Variants in CNTN5 observed in about 807,000 individuals in gnomAD.
CNTN5 encodes the protein contactin-5.
A neutral mutation model predicts 129.1 loss-of-function variants in CNTN5; 77 were observed. That is an observed-to-expected ratio of 0.60 (90% CI 0.50 to 0.72). The LOEUF (loss-of-function observed/expected upper bound fraction) is 0.72. CNTN5 is among the 30% of genes least tolerant of loss of function. CNTN5 has a pLI of 0.00. For missense variants in CNTN5, 1,478 were observed against 1,328.8 expected (o/e 1.11, Z -1.75); for synonymous variants, 509 against 465.6 (o/e 1.09, Z -1.20).
chr11:99,783,969 A>T (rs1945414042), intron 3 of CNTN5, among the ~76,000 whole-genome samples: 1 of 151,584 alleles, frequency 6.6e-6, no homozygotes, highest in Non-Finnish European at 1.5e-5. Context: ...GTAAAGTATA[A>T]TAAAAAAAAA....
chr11:99,834,208 C>A (rs898002665), intron 4 of CNTN5, among the ~76,000 whole-genome samples: 18 of 152,112 alleles, frequency 1.2e-4, no homozygotes, highest in Admixed American at 5.2e-4. Flanking sequence ...ACACTGGTGC[C>A]TCTCATGACA....
chr11:100,334,657 A>G (rs1951990251), intron 21 of CNTN5, among the ~76,000 whole-genome samples: 1 of 152,242 alleles, frequency 6.6e-6, no homozygotes, highest in South Asian at 2.1e-4. Context: ...GGAGACTATT[A>G]TTCTAAGTGA....
At chr11:99,114,262 T>A (rs965398497) in intron 1 of CNTN5, among the ~76,000 whole-genome samples, 1 of 152,142 alleles carries the variant, frequency 6.6e-6, no homozygotes, top group Admixed American at 6.6e-5. Flanking sequence ...TAAAATTGGA[T>A]TTACTGGCCT....
chr11:99,968,517 G>C (rs1413833562), intron 8 of CNTN5, among the ~76,000 whole-genome samples: 1 of 151,998 alleles, frequency 6.6e-6, no homozygotes, highest in Non-Finnish European at 1.5e-5. Flanking sequence ...AAAGCACAGA[G>C]AGAATGGATC....
chr11:99,289,706 C>A (rs1042942159), intron 1 of CNTN5, among the ~76,000 whole-genome samples: 1 of 151,746 alleles, frequency 6.6e-6, no homozygotes, highest in Non-Finnish European at 1.5e-5. Context: ...ATATGCTTCT[C>A]AAATGTTCAA....
intron 17 of CNTN5, among the ~76,000 whole-genome samples, chr11:100,260,220 C>G (rs1185554944): frequency 2.0e-5 from 3 of 151,944 alleles, no homozygotes; most frequent in African/African-American, 7.2e-5. Flanking sequence ...TCCAGGACAT[C>G]TATACCCTCC....
At chr11:100,064,422 A>G (rs1292301504) in intron 10 of CNTN5, among the ~76,000 whole-genome samples, 1 of 152,156 alleles carries the variant, frequency 6.6e-6, no homozygotes. Context: ...AAAACAACAA[A>G]TGATACAACA....
At chr11:99,824,749 T>C (rs1946901856) in intron 4 of CNTN5, among the ~76,000 whole-genome samples, 2 of 152,002 alleles carry the variant, frequency 1.3e-5, no homozygotes, top group African/African-American at 2.4e-5. Context: ...TTGTATGTAA[T>C]ATGAAGTAAT....
chr11:100,157,703 C>G (rs1480260781), intron 13 of CNTN5, among the ~76,000 whole-genome samples: 1 of 151,664 alleles, frequency 6.6e-6, no homozygotes, highest in Admixed American at 6.6e-5. Flanking sequence ...ATGATACAGT[C>G]TTATAAGAAT....
intron 3 of CNTN5, among the ~76,000 whole-genome samples, chr11:99,707,162 C>A (rs1220501969): frequency 2.6e-5 from 4 of 151,482 alleles, no homozygotes; most frequent in Non-Finnish European, 5.9e-5. Context: ...CATTCAGAAT[C>A]AGTTTATGGT....
At chr11:99,509,063 A>G (rs1439921983) in intron 2 of CNTN5, among the ~76,000 whole-genome samples, 4 of 152,198 alleles carry the variant, frequency 2.6e-5, no homozygotes, top group African/African-American at 7.2e-5. Flanking sequence ...AAAAGATACA[A>G]CACTTACACA....
At chr11:99,975,247 T>C (rs887995546) in intron 8 of CNTN5, among the ~76,000 whole-genome samples, 2 of 152,302 alleles carry the variant, frequency 1.3e-5, no homozygotes, top group South Asian at 2.1e-4. Context: ...AGCAGCATGC[T>C]CTGGATGTGA....
intron 2 of CNTN5, among the ~76,000 whole-genome samples, chr11:99,349,109 T>C (rs187849561): frequency 1.3e-5 from 2 of 152,286 alleles, no homozygotes; most frequent in Admixed American, 6.5e-5. Context: ...TGCAGTGATC[T>C]GGGTATGAGA....
intron 13 of CNTN5, among the ~76,000 whole-genome samples, chr11:100,094,439 C>A (rs1297583209): frequency 1.3e-5 from 2 of 152,138 alleles, no homozygotes; most frequent in Admixed American, 6.6e-5. Context: ...TCTCAGTTTT[C>A]TTACTAGCCT....
intron 3 of CNTN5, among the ~76,000 whole-genome samples, chr11:99,618,647 C>A (rs372103504): frequency 9.9e-5 from 15 of 152,116 alleles, no homozygotes; most frequent in Admixed American, 5.9e-4. Context: ...TTAAGCCTGT[C>A]ATCAGTTCTT....
intron 2 of CNTN5, among the ~76,000 whole-genome samples, chr11:99,491,514 C>T (rs1241089553): frequency 6.6e-6 from 1 of 152,144 alleles, no homozygotes; most frequent in African/African-American, 2.4e-5. Context: ...ACAAATTTCA[C>T]AAGGTGGATA....
At chr11:99,978,856 G>C (rs954974875) in intron 8 of CNTN5, among the ~76,000 whole-genome samples, 1 of 152,160 alleles carries the variant, frequency 6.6e-6, no homozygotes, top group African/African-American at 2.4e-5. Context: ...AGAGAGGTAG[G>C]ATAGAATTGT....
At chr11:100,105,521 GTCCTACAAAGTC>G (rs1485619669) in intron 13 of CNTN5, among the ~76,000 whole-genome samples, 1 of 152,134 alleles carries the variant, frequency 6.6e-6, no homozygotes, top group Non-Finnish European at 1.5e-5. Flanking sequence ...TCCTCAAGTA[GTCCTACAAAGTC>G]TAAAAAGTTA....
intron 1 of CNTN5, among the ~76,000 whole-genome samples, chr11:99,173,682 C>A (rs575982193): frequency 3.2e-4 from 48 of 152,256 alleles, no homozygotes; most frequent in African/African-American, 1.1e-3. Flanking sequence ...GGATTGAGAG[C>A]AGGCTAGAGA....
Sources: gnomAD v4.1 joint callset for allele counts (sites outside exome capture counted in the v4.1 genomes callset) on GRCh38, gnomAD v4.1.1 for gene constraint, MANE v1.5 for transcripts, NCBI Gene and HGNC (gene_info 2026-07-23, HGNC 2026-07-21) for gene names.